The following PTPN14 variants were observed in gnomAD, a reference collection of about 807,000 sequenced individuals.
PTPN14 encodes protein tyrosine phosphatase non-receptor type 14.
PTPN14 carries 53 observed loss-of-function variants against 126.8 expected under a neutral mutation model. The observed-to-expected ratio is 0.42, with a 90% CI of 0.34 to 0.53. The LOEUF (loss-of-function observed/expected upper bound fraction) is 0.53. Ranked by LOEUF, PTPN14 falls within the 20% of genes least tolerant of loss-of-function variation. The probability of loss-of-function intolerance (pLI) is 0.08; values close to 1 mark genes in which losing one functional copy is unlikely to be tolerated. For missense variants in PTPN14, 1,257 were observed against 1,552.9 expected (o/e 0.81, Z 3.20); for synonymous variants, 630 against 599.3 (o/e 1.05, Z -0.75).
At chr1:214,381,223 A>G (rs1210615798) in intron 13 of PTPN14, among the ~76,000 whole-genome samples, 1 of 152,230 alleles carries the variant, frequency 6.6e-6, no homozygotes, top group Non-Finnish European at 1.5e-5. Flanking sequence ...GGATGAATAC[A>G]ACCAAAATGA....
At chr1:214,367,461 A>G (rs1658109725) in intron 17 of PTPN14, among the ~76,000 whole-genome samples, 1 of 152,176 alleles carries the variant, frequency 6.6e-6, no homozygotes, top group Non-Finnish European at 1.5e-5. Flanking sequence ...GAACTTGTAA[A>G]TCAGTATTTT....
intron 3 of PTPN14, among the ~76,000 whole-genome samples, chr1:214,443,185 T>C (rs1321460968): frequency 6.6e-6 from 1 of 152,196 alleles, no homozygotes; most frequent in Non-Finnish European, 1.5e-5. Context: ...AAGAAGCAAC[T>C]TCATGTATTT....
At chr1:214,453,097 A>G (rs903963930) in intron 2 of PTPN14, among the ~76,000 whole-genome samples, 6 of 152,194 alleles carry the variant, frequency 3.9e-5, no homozygotes, top group Admixed American at 1.3e-4. Context: ...TGCTTTAAAG[A>G]TATTTTAAAT....
intron 1 of PTPN14, among the ~76,000 whole-genome samples, chr1:214,478,708 G>A (rs1205052325): frequency 6.6e-6 from 1 of 152,106 alleles, no homozygotes; most frequent in Admixed American, 6.5e-5. Context: ...CAGGAAGTGT[G>A]CTAAAGACTT....
intron 9 of PTPN14, among the ~76,000 whole-genome samples, chr1:214,394,078 A>G (rs1658821225): frequency 6.6e-6 from 1 of 152,258 alleles, no homozygotes; most frequent in Non-Finnish European, 1.5e-5. Flanking sequence ...TTCAAAATAA[A>G]TAACTGAATC....
At chr1:214,404,883 C>G (rs1451941970) in intron 5 of PTPN14, among the ~76,000 whole-genome samples, 1 of 152,204 alleles carries the variant, frequency 6.6e-6, no homozygotes, top group Non-Finnish European at 1.5e-5. Flanking sequence ...GGAATGCATT[C>G]TCTTTGAAAG....
At chr1:214,452,623 T>A (rs1660296789) in intron 2 of PTPN14, among the ~76,000 whole-genome samples, 1 of 152,236 alleles carries the variant, frequency 6.6e-6, no homozygotes, top group Non-Finnish European at 1.5e-5. Flanking sequence ...CTGGTGGCTG[T>A]TCTTGGCAGA....
intron 3 of PTPN14, among the ~76,000 whole-genome samples, chr1:214,440,109 T>G (rs190312781): frequency 6.6e-6 from 1 of 152,328 alleles, no homozygotes; most frequent in African/African-American, 2.4e-5. Context: ...CATGTCAGCA[T>G]GCTTGGTTCA....
At chr1:214,448,270 G>A (rs1377114577) in intron 3 of PTPN14, among the ~76,000 whole-genome samples, 2 of 152,064 alleles carry the variant, frequency 1.3e-5, no homozygotes, top group Non-Finnish European at 1.5e-5. Flanking sequence ...TCGCTCTGTC[G>A]CCCAGGCTGG....
chr1:214,483,292 G>T (rs545667108), intron 1 of PTPN14: 1 of 1,613,688 alleles, frequency 6.2e-7, no homozygotes, highest in African/African-American at 1.3e-5. Flanking sequence ...AAGTCTCCCT[G>T]ATGATTTGCT....
chr1:214,379,089 T>C (rs746562632), intron 13 of PTPN14, among the ~76,000 whole-genome samples: 9 of 152,174 alleles, frequency 5.9e-5, no homozygotes, highest in Non-Finnish European at 1.3e-4. Context: ...ACGAAGGGCC[T>C]TTCCTAAAAT....
chr1:214,519,821 G>A (rs965919900), intron 1 of PTPN14, among the ~76,000 whole-genome samples: 1 of 151,844 alleles, frequency 6.6e-6, no homozygotes, highest in African/African-American at 2.4e-5. Flanking sequence ...AGGCCAAGGG[G>A]GGCGGACGGC....
intron 11 of PTPN14, among the ~76,000 whole-genome samples, chr1:214,387,496 T>C (rs1028518061): frequency 1.3e-5 from 2 of 151,944 alleles, no homozygotes; most frequent in Admixed American, 1.3e-4. Flanking sequence ...GGGCAACAGA[T>C]TGAGACTTCG....
rs771691051 is a variant in PTPN14 at position 214,383,817 on chromosome 1, C to G, written c.2038G>C (p.Gly680Arg). 1 of 1,612,618 alleles carries G rather than the reference C, an allele frequency of 6.2e-7. No individual in the cohort carries two copies. Among genetic ancestry groups the G allele is most frequent in the Non-Finnish European group, 8.5e-7 (1 of 1,179,994 alleles). Reference sequence around the variant, plus strand: ...TGGGGGACCTCGTGGCTGCCTGACCCCTCCTCGGGCGGTCCCTGCTCCCGG... The same window carrying G: ...TGGGGGACCTCGTGGCTGCCTGACCGCTCCTCGGGCGGTCCCTGCTCCCGG... Reference protein sequence around the residue: ...TLREQGPPEEGSGSHEVPQLP... With the variant: ...TLREQGPPEERSGSHEVPQLP... Residue 680 changes from glycine to arginine, a missense_variant, in exon 13 of 19, where the codon GGG becomes CGG. This residue lies in a region of PTPN14 where 1,021 missense variants were observed against 1,183.3 expected (regional missense o/e 0.86). Transcript: ENST00000366956. The surrounding 1 kb of genome is among the most constrained non-coding windows in gnomAD (Gnocchi z 4.4).
At chr1:214,493,283 G>A (rs1286539361) in intron 1 of PTPN14, among the ~76,000 whole-genome samples, 2 of 152,182 alleles carry the variant, frequency 1.3e-5, no homozygotes, top group Non-Finnish European at 2.9e-5. Context: ...TCAAGAACCT[G>A]CAGGTGGAAG....
intron 3 of PTPN14, among the ~76,000 whole-genome samples, chr1:214,432,942 C>T (rs1659827385): frequency 1.3e-5 from 2 of 152,122 alleles, no homozygotes; most frequent in South Asian, 2.1e-4. Context: ...TCTCATCTGT[C>T]GCCCAGGCTG....
At chr1:214,397,716 C>T (rs1241587943) in intron 8 of PTPN14, among the ~76,000 whole-genome samples, 197 bp downstream of exon 8, 1 of 152,120 alleles carries the variant, frequency 6.6e-6, no homozygotes, top group East Asian at 1.9e-4. Context: ...TTCCTGGAAT[C>T]AGGTGGGATG....
At chr1:214,378,221 T>C (rs1658390313) in intron 13 of PTPN14, 119 bp from the exon 14 acceptor site, 2 of 1,300,636 alleles carry the variant, frequency 1.5e-6, no homozygotes, top group African/African-American at 3.0e-5. Flanking sequence ...TCACCATCAG[T>C]AGGGCAAATT....
chr1:214,406,204 T>TG (rs1243670978), intron 5 of PTPN14, among the ~76,000 whole-genome samples: 4 of 152,142 alleles, frequency 2.6e-5, no homozygotes, highest in Non-Finnish European at 5.9e-5. Context: ...CCAAGGCCGT[T>TG]GCAGTGGCTC....
Sources: gnomAD v4.1 joint callset for allele counts (sites outside exome capture counted in the v4.1 genomes callset) on GRCh38, gnomAD v4.1.1 for gene constraint, gnomAD v4.1.1 regional missense constraint, Gnocchi (gnomAD v3.1) non-coding constraint, MANE v1.5 for transcripts, NCBI Gene and HGNC (gene_info 2026-07-23, HGNC 2026-07-21) for gene names.